Variants in AHR observed in about 807,000 individuals in gnomAD.
AHR encodes aryl hydrocarbon receptor, also known as AH-receptor.
Under a neutral mutation model 86.8 loss-of-function variants are expected in AHR, and 40 were observed. The ratio of observed to expected loss-of-function variants is 0.46; its 90% CI spans 0.36 to 0.60. The LOEUF (loss-of-function observed/expected upper bound fraction) is 0.60, where lower values mean the gene tolerates loss of function less well. Ranked by LOEUF, AHR falls within the 20% of genes least tolerant of loss-of-function variation. The pLI is 0.00. For synonymous variants in AHR, 398 were observed against 354.9 expected (o/e 1.12, Z -1.37); for missense variants, 1,001 against 1,011.6 (o/e 0.99, Z 0.14).
chr7:17,314,122 T>G (rs1158212149), intron 2 of AHR, among the ~76,000 whole-genome samples: 1 of 152,166 alleles, frequency 6.6e-6, no homozygotes, highest in Non-Finnish European at 1.5e-5. Flanking sequence ...AATGACTACT[T>G]TTGTTTTCTG....
chr7:17,319,233 G>A (rs1022766760), intron 2 of AHR, among the ~76,000 whole-genome samples: 1 of 152,100 alleles, frequency 6.6e-6, no homozygotes, highest in African/African-American at 2.4e-5. Flanking sequence ...CGTTACCTCT[G>A]TCCTTGATTG....
intron 9 of AHR, among the ~76,000 whole-genome samples, chr7:17,337,503 C>T (rs1782366473): frequency 7.1e-6 from 1 of 140,094 alleles, no homozygotes; most frequent in Admixed American, 7.4e-5. Flanking sequence ...GAGATGGAGT[C>T]TCGCTCTGTC....
chr7:17,335,279 A>G (rs567974573), intron 8 of AHR, among the ~76,000 whole-genome samples: 159 of 152,202 alleles, frequency 1.0e-3, no homozygotes, highest in Non-Finnish European at 1.6e-3. Flanking sequence ...TCATAAATCT[A>G]TGTTAATATT....
chr7:17,300,871 C>A (rs138868910), intron 1 of AHR, among the ~76,000 whole-genome samples: 1 of 152,102 alleles, frequency 6.6e-6, no homozygotes, highest in African/African-American at 2.4e-5. Context: ...ACATGAAGAT[C>A]TCCCTGATGT....
chr7:17,310,205 T>C (rs1389874491), intron 2 of AHR, 82 bp downstream of exon 2: 1 of 1,308,048 alleles, frequency 7.6e-7, no homozygotes, highest in African/African-American at 1.5e-5. Flanking sequence ...TGTTAATAAC[T>C]ACAAAAATTA....
Position 17,311,650 on chromosome 7 carries a change from A to G in AHR, c.253+1527A>G, listed in dbSNP as rs148079750. ...GAGGATAGTGATTTCAGGAAAGATTATATATTTCAAAGTTTCATAGTACAC... is the reference window on the plus strand; with the variant it reads ...GAGGATAGTGATTTCAGGAAAGATTGTATATTTCAAAGTTTCATAGTACAC... On this transcript the variant is annotated intron_variant, in intron 2 of 10. Transcript: ENST00000242057. Among the ~76,000 whole-genome samples the G allele has an allele frequency of 1.6e-4, 25 of 152,302 alleles. No homozygotes were observed. The East Asian group carries it at 4.0e-3, about 25-fold the overall frequency.
At chr7:17,308,843 T>C (rs1782033215) in intron 1 of AHR, among the ~76,000 whole-genome samples, 2 of 152,166 alleles carry the variant, frequency 1.3e-5, no homozygotes, top group Admixed American at 6.5e-5. Context: ...TCTAGAAATG[T>C]TTTGATTGGG....
chr7:17,318,650 T>A lies in AHR; in HGVS notation c.254-3851T>A, dbSNP rs573675980. ...GATACTTCCCAGCTGGTGACCTATT[T>A]TCAGATACTACATTTTGTTTCTGTG... On this transcript the variant is annotated intron_variant, in intron 2 of 10. Transcript: ENST00000242057. Among the ~76,000 whole-genome samples, 323 of 152,240 alleles carry A rather than the reference T, an allele frequency of 2.1e-3. 2 individuals carry two copies. Among genetic ancestry groups the A allele is most frequent in the African/African-American group, 7.1e-3 (294 of 41,558 alleles).
intron 1 of AHR, 91 bp downstream of exon 1, chr7:17,299,420 C>G: frequency 1.4e-6 from 2 of 1,414,268 alleles, no homozygotes; most frequent in Non-Finnish European, 1.9e-6. Flanking sequence ...CAAATCCCTG[C>G]GATCCTGGGA....
intron 2 of AHR, among the ~76,000 whole-genome samples, chr7:17,311,585 ATTTAG>A (rs1554265766): frequency 6.6e-6 from 1 of 152,152 alleles, no homozygotes; most frequent in Non-Finnish European, 1.5e-5. Context: ...GACAAAAGCT[ATTTAG>A]TTTAACAGTT....
At chr7:17,324,707 C>T (rs1782210147) in intron 3 of AHR, among the ~76,000 whole-genome samples, 1 of 151,818 alleles carries the variant, frequency 6.6e-6, no homozygotes, top group Non-Finnish European at 1.5e-5. Context: ...GAGGCTGAGG[C>T]CCGAGAATCG....
At chr7:17,300,337 A>C (rs745820659) in intron 1 of AHR, among the ~76,000 whole-genome samples, 1 of 152,214 alleles carries the variant, frequency 6.6e-6, no homozygotes, top group African/African-American at 2.4e-5. Flanking sequence ...AAGTTTTCGT[A>C]AACAATTTTA....
Position 17,330,666 on chromosome 7 carries a change from G to T in AHR, c.575-90G>T. 3 of 1,244,154 alleles carry T rather than the reference G, an allele frequency of 2.4e-6. No individual in the cohort carries two copies. In the South Asian group the frequency reaches 6.8e-5, roughly 28 times the overall value. 77.1% of individuals were successfully genotyped at this position (1,244,154 alleles called of 1,614,324 possible). A position where few individuals can be genotyped will look rare whatever the true frequency, so the allele number is the denominator to read the frequency against. Reference sequence around the variant, plus strand: ...TTTTGTATTCAGAACACAGACTCCAGTTTAGAAACTAATACAAATTTTACC... The same window carrying T: ...TTTTGTATTCAGAACACAGACTCCATTTTAGAAACTAATACAAATTTTACC... On this transcript the variant is annotated intron_variant, in intron 5 of 10. Coordinates refer to ENST00000242057, the MANE Select transcript of AHR (RefSeq NM_001621.5).
chr7:17,326,257 A>G (rs1782229192), intron 3 of AHR, among the ~76,000 whole-genome samples: 1 of 152,224 alleles, frequency 6.6e-6, no homozygotes, highest in African/African-American at 2.4e-5. Flanking sequence ...TTATCTTTGT[A>G]GTCAAGTTCT....
chr7:17,335,955 C>G (rs982461248), intron 9 of AHR, 169 bp downstream of exon 9: 2 of 626,746 alleles, frequency 3.2e-6, no homozygotes, highest in Non-Finnish European at 2.6e-6. Context: ...ATAGAATTGA[C>G]GAACTTGATT....
At chr7:17,314,184 G>C (rs1445678530) in intron 2 of AHR, among the ~76,000 whole-genome samples, 1 of 152,044 alleles carries the variant, frequency 6.6e-6, no homozygotes, top group Non-Finnish European at 1.5e-5. Context: ...AGGGATCCGA[G>C]TTTCTGATTT....
At chr7:17,329,902 T>A (rs1240455003) in intron 4 of AHR, 50 bp from the exon 5 acceptor site, 1 of 1,526,996 alleles carries the variant, frequency 6.5e-7, no homozygotes, top group Non-Finnish European at 8.8e-7. Flanking sequence ...AATTTAGCCA[T>A]ATTTTTTAAT....
intron 3 of AHR, among the ~76,000 whole-genome samples, chr7:17,323,937 G>A (rs1782201175): frequency 6.6e-6 from 1 of 152,126 alleles, no homozygotes; most frequent in Non-Finnish European, 1.5e-5. Flanking sequence ...AGGGCCTAAT[G>A]AAATCCCGTA....
At chr7:17,300,267 T>A (rs1024524372) in intron 1 of AHR, among the ~76,000 whole-genome samples, 3 of 152,210 alleles carry the variant, frequency 2.0e-5, no homozygotes, top group Non-Finnish European at 4.4e-5. Flanking sequence ...GTTGTATTCA[T>A]GTGTTTATTC....
Sources: allele counts gnomAD v4.1 joint callset (sites outside exome capture counted in the v4.1 genomes callset), GRCh38; gene constraint gnomAD v4.1.1; transcripts MANE v1.5; gene names NCBI Gene and HGNC (gene_info 2026-07-23, HGNC 2026-07-21).